MEF2C: variants seen among roughly 807,000 people sequenced by gnomAD.
The protein encoded by MEF2C is myocyte-specific enhancer factor 2C.
A neutral mutation model predicts 50.5 loss-of-function variants in MEF2C; 6 were observed. The observed-to-expected ratio is 0.12, with a 90% CI of 0.07 to 0.23. The LOEUF is 0.23. Ranked by LOEUF, MEF2C falls within the 10% of genes least tolerant of loss-of-function variation. The pLI, the probability that MEF2C is intolerant of heterozygous loss-of-function variation, is 1.00. For missense variants in MEF2C, 276 were observed against 605.0 expected, an observed-to-expected ratio of 0.46 and a Z score of 5.70; for synonymous variants, 183 against 228.0, an observed-to-expected ratio of 0.80 and a Z score of 1.78.
In MEF2C at chr5:88,728,855, T is replaced by G. The variant is rs960091394; in HGVS notation, c.965-227A>C. On this transcript the variant is annotated intron_variant, in intron 9 of 10. Coordinates refer to ENST00000504921, the MANE Select transcript of MEF2C (RefSeq NM_002397.5). ...ATTCCACGAATGCTCTGAAGTAGCA[T>G]AGTCCGCAATTCTAGTTTATTAGAA... 3.9e-5 allele frequency among the ~76,000 whole-genome samples: 6 copies of G among 152,178 alleles called. No individual in the cohort carries two copies. In the South Asian group the frequency reaches 8.3e-4, roughly 21 times the overall value.
At chr5:88,748,759 A>G (rs1413119955) in intron 6 of MEF2C, 1 of 984,508 alleles carries the variant, frequency 1.0e-6, no homozygotes, top group East Asian at 1.1e-4. Context: ...CACAAAAAGT[A>G]TGGTTTGCTA....
intron 4 of MEF2C, chr5:88,752,668 T>C (rs1057444086): frequency 1.0e-6 from 1 of 985,276 alleles, no homozygotes; most frequent in African/African-American, 1.7e-5. Context: ...GCTTCATATT[T>C]TGGTGTGTAC....
intron 6 of MEF2C, chr5:88,735,946 A>T (rs1280913268): frequency 2.0e-6 from 2 of 985,126 alleles, no homozygotes; most frequent in Non-Finnish European, 2.4e-6. Context: ...CTTTTCTAGG[A>T]CTTTGAATTA....
At chr5:88,775,565 T>G (rs1580480971) in intron 3 of MEF2C, among the ~76,000 whole-genome samples, 1 of 152,214 alleles carries the variant, frequency 6.6e-6, no homozygotes, top group East Asian at 1.9e-4. Flanking sequence ...CAGGTTAATT[T>G]TTTTCAAAAT....
chr5:88,749,192 C>A (rs963631071), intron 5 of MEF2C, 75 bp from the exon 6 acceptor site: 4 of 1,422,382 alleles, frequency 2.8e-6, no homozygotes, highest in Non-Finnish European at 3.8e-6. Context: ...CTTCAGCAAC[C>A]TCAGTATTTT....
chr5:88,788,515 C>T (rs1792171347), intron 3 of MEF2C, among the ~76,000 whole-genome samples: 1 of 151,894 alleles, frequency 6.6e-6, no homozygotes, highest in Non-Finnish European at 1.5e-5. Context: ...CAGCCCATGC[C>T]AGTTATTTGA....
chr5:88,795,057 A>G (rs1383372478), intron 3 of MEF2C, among the ~76,000 whole-genome samples: 1 of 152,154 alleles, frequency 6.6e-6, no homozygotes, highest in Non-Finnish European at 1.5e-5. Flanking sequence ...CTTGTGGTAT[A>G]GTTTGAAGTC....
At chr5:88,752,640 C>T (rs1705565) in intron 4 of MEF2C, 554,460 of 983,432 alleles carry the variant, frequency 0.56, 159,422 homozygotes, top group East Asian at 0.59. Context: ...TTTGAAGTGG[C>T]AATTCAGAAA....
chr5:88,862,319 C>G (rs571807303), intron 1 of MEF2C, among the ~76,000 whole-genome samples: 1 of 152,310 alleles, frequency 6.6e-6, no homozygotes, highest in East Asian at 1.9e-4. Flanking sequence ...CACAAACACA[C>G]ACACACACAG....
chr5:88,862,918 A>G lies in MEF2C; in HGVS notation c.-143+20037T>C, dbSNP rs1411721377. Among the ~76,000 whole-genome samples the G allele has an allele frequency of 2.0e-5, 3 of 152,318 alleles. No homozygotes were observed. In the East Asian group the frequency reaches 5.8e-4, roughly 29 times the overall value. Reference sequence around the variant, plus strand: ...TTCACGGCTTCATTAGGTGCCCCCAATTTCCACAGAATCTGAAGTTCTGGG... The same window carrying G: ...TTCACGGCTTCATTAGGTGCCCCCAGTTTCCACAGAATCTGAAGTTCTGGG... On this transcript the variant is annotated intron_variant, in intron 1 of 10. Transcript: ENST00000504921.
intron 1 of MEF2C, among the ~76,000 whole-genome samples, chr5:88,846,070 C>G (rs1011082560): frequency 7.1e-6 from 1 of 140,060 alleles, no homozygotes; most frequent in African/African-American, 2.6e-5. Context: ...TACTTCAAGT[C>G]TTTTTTTTTT....
intron 5 of MEF2C, chr5:88,749,472 C>T (rs548026435): frequency 1.5e-4 from 152 of 985,052 alleles, no homozygotes; most frequent in African/African-American, 8.4e-4. Flanking sequence ...GATGACCTCA[C>T]ATTTGATGTT....
chr5:88,835,813 T>TAAA (rs11417968), intron 1 of MEF2C, among the ~76,000 whole-genome samples: 7 of 115,328 alleles, frequency 6.1e-5, no homozygotes, highest in East Asian at 2.5e-4. Context: ...AACTCCATCT[T>TAAA]AAAAAAAAAA....
At chr5:88,794,492 G>GT (rs1188465680) in intron 3 of MEF2C, among the ~76,000 whole-genome samples, 12 of 152,098 alleles carry the variant, frequency 7.9e-5, no homozygotes. Context: ...TGATGGGGTT[G>GT]TTTTTTTCCT....
chr5:88,841,681 G>A (rs184175348), intron 1 of MEF2C, among the ~76,000 whole-genome samples: 5 of 152,236 alleles, frequency 3.3e-5, no homozygotes, highest in Admixed American at 2.6e-4. Flanking sequence ...ACAAGCATGT[G>A]TTCATTTCGC....
At chr5:88,775,362 C>A (rs1379892064) in intron 3 of MEF2C, among the ~76,000 whole-genome samples, 1 of 151,976 alleles carries the variant, frequency 6.6e-6, no homozygotes, top group Non-Finnish European at 1.5e-5. Flanking sequence ...TGTAATTGCT[C>A]GGAGAGGACA....
intron 1 of MEF2C, among the ~76,000 whole-genome samples, chr5:88,831,820 GTTC>G (rs562953559): frequency 1.9e-3 from 291 of 152,048 alleles, no homozygotes; most frequent in African/African-American, 6.7e-3. Context: ...TTAAGGCTTT[GTTC>G]ATCTGAAACC....
chr5:88,881,716 A>G (rs899778576), intron 1 of MEF2C, among the ~76,000 whole-genome samples: 1 of 127,366 alleles, frequency 7.9e-6, no homozygotes, highest in Admixed American at 8.7e-5. Context: ...CAGTGAAAGT[A>G]GGCTAGTCGC....
chr5:88,898,300 T>C (rs1835316582), intron 1 of MEF2C, among the ~76,000 whole-genome samples: 1 of 152,186 alleles, frequency 6.6e-6, no homozygotes, highest in African/African-American at 2.4e-5. Flanking sequence ...CAAATTTCTG[T>C]ACAATTCTTC....
Sources: allele counts gnomAD v4.1 joint callset (sites outside exome capture counted in the v4.1 genomes callset), GRCh38; gene constraint gnomAD v4.1.1; transcripts MANE v1.5; gene names NCBI Gene and HGNC (gene_info 2026-07-23, HGNC 2026-07-21).